The following INVS variants were observed in gnomAD, a reference collection of about 807,000 sequenced individuals.
The protein encoded by INVS is inversin.
INVS carries 86 observed loss-of-function variants against 108.8 expected under a neutral mutation model. The ratio of observed to expected loss-of-function variants is 0.79; its 90% CI spans 0.66 to 0.95. The LOEUF (loss-of-function observed/expected upper bound fraction) is 0.95, where lower values mean the gene tolerates loss of function less well. Among genes scored for constraint, INVS ranks in the 40% least tolerant of loss-of-function variants. The probability of loss-of-function intolerance (pLI) is 0.00; values close to 1 mark genes in which losing one functional copy is unlikely to be tolerated. For synonymous variants in INVS, 455 were observed against 473.5 expected, an observed-to-expected ratio of 0.96 and a Z score of 0.51; for missense variants, 1,169 against 1,297.4, an observed-to-expected ratio of 0.90 and a Z score of 1.52.
chr9:100,209,859 G>A (rs1419850719), intron 3 of INVS, among the ~76,000 whole-genome samples: 2 of 150,378 alleles, frequency 1.3e-5, no homozygotes, highest in Non-Finnish European at 2.9e-5. Context: ...TGCACTTTTC[G>A]TCATCGAGTT....
chr9:100,112,355 A>G (rs1233432469), intron 2 of INVS, among the ~76,000 whole-genome samples: 2 of 152,250 alleles, frequency 1.3e-5, no homozygotes, highest in African/African-American at 4.8e-5. Flanking sequence ...ACATAACCCA[A>G]TAACATCTTC....
intron 2 of INVS, among the ~76,000 whole-genome samples, chr9:100,106,415 A>G (rs1204555609): frequency 6.6e-6 from 1 of 152,072 alleles, no homozygotes; most frequent in Non-Finnish European, 1.5e-5. Context: ...TGTTTCCATT[A>G]TTTAAAAATC....
chr9:100,182,228 C>A (rs1829911567), intron 3 of INVS, among the ~76,000 whole-genome samples: 1 of 152,108 alleles, frequency 6.6e-6, no homozygotes, highest in African/African-American at 2.4e-5. Flanking sequence ...GACTAAAACA[C>A]CAAAAGCAAT....
intron 2 of INVS, among the ~76,000 whole-genome samples, chr9:100,105,592 T>C (rs1443728667): frequency 6.6e-6 from 1 of 152,152 alleles, no homozygotes; most frequent in Non-Finnish European, 1.5e-5. Context: ...TATCCTTACT[T>C]TACCTCAGCT....
At chr9:100,294,454 C>T (rs948741030) in intron 14 of INVS, among the ~76,000 whole-genome samples, 2 of 152,162 alleles carry the variant, frequency 1.3e-5, no homozygotes, top group African/African-American at 4.8e-5. Context: ...TGTGTTCTCC[C>T]TATGTCTGTT....
chr9:100,298,591 T>C (rs1489722917), intron 16 of INVS, among the ~76,000 whole-genome samples: 1 of 152,106 alleles, frequency 6.6e-6, no homozygotes, highest in Non-Finnish European at 1.5e-5. Flanking sequence ...GTGTTTCTCA[T>C]AGGTGGCTAT....
intron 2 of INVS, among the ~76,000 whole-genome samples, chr9:100,121,955 G>A (rs1827738562): frequency 6.6e-6 from 1 of 151,916 alleles, no homozygotes. Context: ...TTTAACCCAT[G>A]GATTATCTTA....
chr9:100,143,632 A>G (rs552914184), intron 3 of INVS, among the ~76,000 whole-genome samples: 17 of 152,142 alleles, frequency 1.1e-4, no homozygotes, highest in Non-Finnish European at 2.1e-4. Context: ...AGGAATAGTC[A>G]GGGAAGCAGA....
chr9:100,156,569 T>C (rs1270568566), intron 3 of INVS, among the ~76,000 whole-genome samples: 2 of 152,070 alleles, frequency 1.3e-5, no homozygotes, highest in Non-Finnish European at 2.9e-5. Flanking sequence ...GTGTTTCAGT[T>C]TAACTTCCCC....
At chr9:100,266,804 C>G (rs766724107) in intron 11 of INVS, among the ~76,000 whole-genome samples, 1 of 152,042 alleles carries the variant, frequency 6.6e-6, no homozygotes, top group Non-Finnish European at 1.5e-5. Flanking sequence ...CATGGATGCT[C>G]TAACTAAAAT....
At chr9:100,100,658 T>A (rs1826828072) in intron 1 of INVS, among the ~76,000 whole-genome samples, 1 of 49,298 alleles carries the variant, frequency 2.0e-5, no homozygotes, top group African/African-American at 1.5e-4. Context: ...ATATATAATA[T>A]ATATATTATA....
chr9:100,196,160 C>G (rs1015804560), intron 3 of INVS, among the ~76,000 whole-genome samples: 2 of 152,102 alleles, frequency 1.3e-5, no homozygotes, highest in Non-Finnish European at 2.9e-5. Flanking sequence ...GTTTTGGCAA[C>G]AAACCTACTT....
chr9:100,252,219 A>G, intron 8 of INVS, 64 bp from the exon 9 acceptor site: 2 of 1,463,870 alleles, frequency 1.4e-6, no homozygotes, highest in Non-Finnish European at 9.6e-7. Context: ...GAAAAGACAT[A>G]TAATAATTTA....
intron 16 of INVS, among the ~76,000 whole-genome samples, chr9:100,299,439 T>C (rs990408922): frequency 1.3e-5 from 2 of 151,910 alleles, no homozygotes; most frequent in Non-Finnish European, 2.9e-5. Context: ...CTCCTTGGGC[T>C]GTTTCTCCAC....
chr9:100,272,952 A>G lies in INVS; in HGVS notation c.1660A>G (p.Ile554Val), dbSNP rs1159273105. 6.2e-7 allele frequency: 1 copy of G among 1,614,054 alleles called. No homozygotes were observed. Among genetic ancestry groups the G allele is most frequent in the East Asian group, 2.2e-5 (1 of 44,888 alleles). The change falls in exon 12 of 17, where the codon ATA (isoleucine) becomes GTA (valine). Residue 554 changes from isoleucine to valine, a missense_variant. Ile to Val is a conservative substitution (Grantham distance 29). Transcript: ENST00000262457. Reference sequence around the variant, plus strand: ...GCACGGTGCCCTGTCCATCGCAGCCATACAAGACATCGCCGCCTTCAAAAT... The same window carrying G: ...GCACGGTGCCCTGTCCATCGCAGCCGTACAAGACATCGCCGCCTTCAAAAT... The part of the protein sequence containing the change: ...LEHGALSIAA[I>V]QDIAAFKIQA...
chr9:100,197,087 C>T (rs895344640), intron 3 of INVS, among the ~76,000 whole-genome samples: 1 of 152,170 alleles, frequency 6.6e-6, no homozygotes, highest in African/African-American at 2.4e-5. Flanking sequence ...GTCCAGACTG[C>T]CTCATGCTTC....
At chr9:100,150,050 T>C (rs1485636008) in intron 3 of INVS, among the ~76,000 whole-genome samples, 1 of 152,180 alleles carries the variant, frequency 6.6e-6, no homozygotes, top group Non-Finnish European at 1.5e-5. Context: ...CCTTGAGTAA[T>C]TCCCAGATCC....
intron 2 of INVS, among the ~76,000 whole-genome samples, chr9:100,111,090 G>A (rs1006118307): frequency 6.6e-6 from 1 of 152,158 alleles, no homozygotes; most frequent in Non-Finnish European, 1.5e-5. Flanking sequence ...ATTTTTTAAT[G>A]ACAGCAAAAT....
intron 8 of INVS, among the ~76,000 whole-genome samples, chr9:100,249,568 C>T (rs1161042459): frequency 1.3e-5 from 2 of 151,952 alleles, no homozygotes; most frequent in Non-Finnish European, 2.9e-5. Flanking sequence ...GATCTCAGCT[C>T]ACTGCAACCT....
Sources: gnomAD v4.1 joint callset for allele counts (sites outside exome capture counted in the v4.1 genomes callset) on GRCh38, gnomAD v4.1.1 for gene constraint, MANE v1.5 for transcripts, NCBI Gene and HGNC (gene_info 2026-07-23, HGNC 2026-07-21) for gene names.